DNAH10: variants seen among roughly 807,000 people sequenced by gnomAD.
DNAH10 encodes the protein dynein axonemal heavy chain 10, also known as axonemal beta dynein heavy chain 10.
A neutral mutation model predicts 506.6 loss-of-function variants in DNAH10; 348 were observed. The observed-to-expected ratio is 0.69, with a 90% CI of 0.63 to 0.75. DNAH10 has a LOEUF of 0.75. Among genes scored for constraint, DNAH10 ranks in the 30% least tolerant of loss-of-function variants. DNAH10 has a pLI of 0.00. For missense variants in DNAH10, 5,179 were observed against 5,787.1 expected (o/e 0.89, Z 3.41); for synonymous variants, 2,059 against 2,198.6 (o/e 0.94, Z 1.78).
At chr12:123,931,210 CA>C (rs781036283) in intron 73 of DNAH10, 130 bp from the exon 74 acceptor site, 196,297 of 966,324 alleles carry the variant, frequency 0.2, no homozygotes, top group South Asian at 0.27. Flanking sequence ...GACCCTGTCT[CA>C]AAAAAAAAAA....
At chr12:123,788,494 G>T (rs149586827) in intron 10 of DNAH10, among the ~76,000 whole-genome samples, 1,928 of 152,250 alleles carry the variant, frequency 0.013, 41 homozygotes, top group African/African-American at 0.044. Flanking sequence ...AGAACTCACG[G>T]TGTGCCGGGT....
In DNAH10 at chr12:123,785,952, G is replaced by A. The variant is rs368767396; in HGVS notation, c.1421+16G>A. 3.9e-5 allele frequency: 63 copies of A among 1,596,738 alleles called. No homozygotes were observed. Among genetic ancestry groups the A allele is most frequent in the Middle Eastern group, 1.7e-4 (1 of 6,034 alleles). ...CTTTGTTCAAGTAAGAAGCCATGGC[G>A]TTCATTTTTTTGTTTTGTTTTGTTT... On this transcript the variant is annotated intron_variant, in intron 9 of 78. Transcript: ENST00000673944. The surrounding 1 kb of genome is among the most constrained non-coding windows in gnomAD (Gnocchi z 4.1).
At chr12:123,782,410 T>C (rs1369850564) in intron 6 of DNAH10, among the ~76,000 whole-genome samples, 1 of 131,174 alleles carries the variant, frequency 7.6e-6, no homozygotes, top group Non-Finnish European at 1.6e-5. Context: ...TTTCTTTCTT[T>C]CTTTTTTTTT....
At chr12:123,814,049 AAG>A in intron 21 of DNAH10, 137 bp downstream of exon 21, 4 of 740,320 alleles carry the variant, frequency 5.4e-6, no homozygotes, top group Non-Finnish European at 8.3e-6. Context: ...TGTAAATGTA[AAG>A]CAATGCCACT....
intron 15 of DNAH10, among the ~76,000 whole-genome samples, chr12:123,800,910 G>C (rs1269507382): frequency 1.3e-5 from 2 of 152,000 alleles, no homozygotes; most frequent in African/African-American, 4.8e-5. Context: ...TCAGCTACTT[G>C]GGAGGCTGAG....
chr12:123,833,698 C>T lies in DNAH10; in HGVS notation c.4779+351C>T, dbSNP rs144642147. Among the ~76,000 whole-genome samples, 244 of 152,244 alleles carry T rather than the reference C, an allele frequency of 1.6e-3. 1 individual carries two copies. The highest frequency in any genetic ancestry group is 5.5e-3 in the African/African-American group (227 of 41,544). On this transcript the variant is annotated intron_variant, in intron 27 of 78. Coordinates refer to ENST00000673944, the MANE Select transcript of DNAH10 (RefSeq NM_001372106.1). ...AACATACTTATTTTACATTCCTTTT[C>T]GATTTCTCTACACTTTTTAAAAAAA...
chr12:123,934,655 T>C lies in DNAH10; in HGVS notation c.13512T>C (p.Ala4504=), dbSNP rs766391242. The change falls in exon 78 of 79, where the codon GCT becomes GCC. Residue 4504 remains alanine (A), a synonymous_variant. Coordinates refer to ENST00000673944, the MANE Select transcript of DNAH10 (RefSeq NM_001372106.1). ...CFVSGLYLEG[A]DWDIEKGCLI... ...TCTCAGGACTGTACCTGGAAGGTGCTGACTGGGATATAGAAAAAGGATGTC... is the reference window on the plus strand; with the variant it reads ...TCTCAGGACTGTACCTGGAAGGTGCCGACTGGGATATAGAAAAAGGATGTC... 7.4e-6 allele frequency: 12 copies of C among 1,613,612 alleles called. No homozygotes were observed. In the South Asian group the frequency reaches 1.3e-4, roughly 18 times the overall value.
intron 6 of DNAH10, 117 bp downstream of exon 6, chr12:123,781,416 G>C: frequency 1.0e-6 from 1 of 993,162 alleles, no homozygotes. Context: ...TGTTTGTTTT[G>C]TGGAGACGGG....
At position 123,871,499 on chromosome 12, in the gene DNAH10, A is replaced by T. The variant is rs1230293391; in HGVS notation, c.7682A>T (p.Gln2561Leu). 2.5e-6 allele frequency: 4 copies of T among 1,570,760 alleles called. No homozygotes were observed. Among genetic ancestry groups the T allele is most frequent in the Non-Finnish European group, 3.5e-6 (4 of 1,156,358 alleles). The change falls in exon 45 of 79, where the codon CAA (glutamine) becomes CTA (leucine). Residue 2561 changes from glutamine to leucine, a missense_variant. Transcript: ENST00000673944. ...DTTRTTWILE[Q>L]MVKIKQPVIF... is the part of the protein sequence containing the mutation. ...ACTCGGACTACCTGGATATTGGAAC[A>T]AATGGTTAAAATTAAGCAACCTGTT...
intron 50 of DNAH10, among the ~76,000 whole-genome samples, chr12:123,880,655 T>TC (rs374189199): frequency 9.5e-4 from 49 of 51,420 alleles, no homozygotes; most frequent in Admixed American, 2.9e-3. Context: ...TTAAATTCTC[T>TC]TTTTTTTTTT....
intron 76 of DNAH10, 96 bp from the exon 77 acceptor site, chr12:123,933,233 AAT>A: frequency 1.7e-6 from 2 of 1,203,190 alleles, no homozygotes; most frequent in Non-Finnish European, 2.2e-6. Flanking sequence ...ACTTAGGTGA[AAT>A]ATGTCTTTTA....
intron 37 of DNAH10, among the ~76,000 whole-genome samples, chr12:123,857,820 C>T (rs148328530): frequency 1.8e-3 from 281 of 152,326 alleles, no homozygotes; most frequent in African/African-American, 6.2e-3. Flanking sequence ...ATCTCTGGAA[C>T]GTTTTCATAT....
chr12:123,861,252 C>CATT, intron 39 of DNAH10, 82 bp downstream of exon 39: 6 of 1,487,138 alleles, frequency 4.0e-6, no homozygotes, highest in Non-Finnish European at 5.4e-6. Context: ...CAGGACTATA[C>CATT]ATTGTAGCTT....
intron 59 of DNAH10, among the ~76,000 whole-genome samples, chr12:123,912,860 A>G (rs1341476196): frequency 6.6e-6 from 1 of 152,224 alleles, no homozygotes; most frequent in Non-Finnish European, 1.5e-5. Flanking sequence ...ACCTCAGTAC[A>G]TGAAAGTAAA....
Position 123,823,690 on chromosome 12 carries a change from G to C in DNAH10, c.4179+2932G>C, listed in dbSNP as rs114185277. 8.1e-3 allele frequency among the ~76,000 whole-genome samples: 1,231 copies of C among 152,306 alleles called. 18 individuals are homozygous for C. Among genetic ancestry groups the C allele is most frequent in the African/African-American group, 0.027 (1,142 of 41,564 alleles). ...ATGTTTTGACACGGGCATGCAATGTGTAATAATCACATCACGGGGAATGGG... is the reference window on the plus strand; with the variant it reads ...ATGTTTTGACACGGGCATGCAATGTCTAATAATCACATCACGGGGAATGGG... On this transcript the variant is annotated intron_variant, in intron 24 of 78. Transcript: ENST00000673944.
chr12:123,871,662 C>T, intron 45 of DNAH10, 60 bp downstream of exon 45: 1 of 1,508,598 alleles, frequency 6.6e-7, no homozygotes, highest in Non-Finnish European at 8.9e-7. Flanking sequence ...CAGTGCATAG[C>T]AGCTTCATAC....
intron 30 of DNAH10, 84 bp downstream of exon 30, chr12:123,841,629 C>G: frequency 2.3e-6 from 3 of 1,332,026 alleles, no homozygotes; most frequent in Middle Eastern, 2.3e-4. Flanking sequence ...AGTAGATTGG[C>G]TGACATTCCA....
chr12:123,808,156 C>T (rs1958783805), intron 18 of DNAH10, among the ~76,000 whole-genome samples: 1 of 152,158 alleles, frequency 6.6e-6, no homozygotes, highest in South Asian at 2.1e-4. Context: ...CTTCAGCCTC[C>T]TGAATATCTG....
In DNAH10 at chr12:123,875,258, A is replaced by G; in HGVS notation, c.7966A>G (p.Ile2656Val). 6.2e-7 allele frequency: 1 copy of G among 1,611,898 alleles called. No homozygotes were observed. The highest frequency in any genetic ancestry group is 1.7e-4 in the Middle Eastern group (1 of 6,060). Residue 2656 changes from isoleucine (I) to valine (V), a missense_variant, in exon 47 of 79, where the codon ATT (isoleucine) becomes GTT (valine). Physicochemically the swap from Ile to Val is conservative, Grantham distance 29. Around this residue, in one of 3 missense-constraint regions of DNAH10, gnomAD observed 4,844 missense variants for 5,430.5 expected, o/e 0.89. Coordinates refer to ENST00000673944, the MANE Select transcript of DNAH10 (RefSeq NM_001372106.1). The stretch of plus-strand genomic sequence containing the variant: ...GGATGAATATGGCACGCAGCAGCCC[A>G]TTGCCTTGCTGAAGCTGCTGTTGGA... ...RVDEYGTQQP[I>V]ALLKLLLEKG... is the part of the protein sequence containing the mutation.
Sources: gnomAD v4.1 joint callset for allele counts (sites outside exome capture counted in the v4.1 genomes callset) on GRCh38, gnomAD v4.1.1 for gene constraint, gnomAD v4.1.1 regional missense constraint, Gnocchi (gnomAD v3.1) non-coding constraint, MANE v1.5 for transcripts, NCBI Gene and HGNC (gene_info 2026-07-23, HGNC 2026-07-21) for gene names.